Variants in CD2AP observed in about 807,000 individuals in gnomAD.
CD2AP encodes the protein CD2-associated protein.
A neutral mutation model predicts 85.1 loss-of-function variants in CD2AP; 46 were observed. The observed-to-expected ratio is 0.54, with a 90% CI of 0.43 to 0.69. The LOEUF is 0.69. Ranked by LOEUF, CD2AP falls within the 30% of genes least tolerant of loss-of-function variation. The probability of loss-of-function intolerance (pLI) is 0.00; values close to 1 mark genes in which losing one functional copy is unlikely to be tolerated. For missense variants in CD2AP, 769 were observed against 729.5 expected, an observed-to-expected ratio of 1.05 and a Z score of -0.62; for synonymous variants, 255 against 252.9, an observed-to-expected ratio of 1.01 and a Z score of -0.08.
At chr6:47,537,972 A>G (rs565136744) in intron 3 of CD2AP, among the ~76,000 whole-genome samples, 1 of 151,886 alleles carries the variant, frequency 6.6e-6, no homozygotes, top group Non-Finnish European at 1.5e-5. Context: ...GCTGGTCTCA[A>G]ACTCCTGGCC....
At chr6:47,536,841 T>C (rs1484408848) in intron 3 of CD2AP, among the ~76,000 whole-genome samples, 3 of 152,180 alleles carry the variant, frequency 2.0e-5, no homozygotes, top group Non-Finnish European at 4.4e-5. Flanking sequence ...TGGTAAAATA[T>C]TGTGTTTAGA....
At chr6:47,610,971 A>ATATATATATATATATATATATATAT in intron 16 of CD2AP, among the ~76,000 whole-genome samples, 50 of 112,846 alleles carry the variant, frequency 4.4e-4, no homozygotes, top group African/African-American at 1.5e-3. Context: ...ATATATATGT[A>ATATATATATATATATATATATATAT]TTTTTTTTTT....
At chr6:47,495,526 A>G (rs1765837915) in intron 1 of CD2AP, among the ~76,000 whole-genome samples, 1 of 152,200 alleles carries the variant, frequency 6.6e-6, no homozygotes, top group Non-Finnish European at 1.5e-5. Context: ...CAACTGCTGT[A>G]GGAGACTACT....
At position 47,581,850 on chromosome 6, in the gene CD2AP, A is replaced by T. The variant is rs6926592; in HGVS notation, c.1046-153A>T. ...AATAGTGGCAGGTCCAGGATTAGAA[A>T]TTGAGCCTGGTAATTCCGGTACATT... On this transcript the variant is annotated intron_variant, in intron 10 of 17. Coordinates refer to ENST00000359314, the MANE Select transcript of CD2AP (RefSeq NM_012120.3). 0.33 allele frequency among the ~76,000 whole-genome samples: 50,702 copies of T among 151,998 alleles called. 9,324 individuals carry two copies. The highest frequency in any genetic ancestry group is 0.52 in the Middle Eastern group (154 of 294).
chr6:47,562,552 A>G (rs868650491), intron 5 of CD2AP: 5 of 311,200 alleles, frequency 1.6e-5, no homozygotes, highest in African/African-American at 6.4e-5. Flanking sequence ...CCTTCCACCA[A>G]CAAGTCTTGC....
At chr6:47,571,764 C>T (rs1026451800) in intron 5 of CD2AP, among the ~76,000 whole-genome samples, 1 of 152,122 alleles carries the variant, frequency 6.6e-6, no homozygotes, top group Admixed American at 6.5e-5. Context: ...TGAGTTCTTT[C>T]TCTCTAGATT....
At chr6:47,580,987 A>G in intron 10 of CD2AP, 87 bp downstream of exon 10, 2 of 926,844 alleles carry the variant, frequency 2.2e-6, no homozygotes. Flanking sequence ...CAAACTATTG[A>G]TTTTTATCAA....
At chr6:47,564,888 A>G (rs1344266322) in intron 5 of CD2AP, among the ~76,000 whole-genome samples, 1 of 152,008 alleles carries the variant, frequency 6.6e-6, no homozygotes, top group Non-Finnish European at 1.5e-5. Flanking sequence ...CATTATTGGA[A>G]TGTCATATCC....
At chr6:47,580,728 A>T in intron 9 of CD2AP, 136 bp from the exon 10 acceptor site, 4 of 671,166 alleles carry the variant, frequency 6.0e-6, no homozygotes, top group Non-Finnish European at 7.9e-6. Context: ...TTACGATCTT[A>T]GCATTTTATA....
At chr6:47,493,530 C>T (rs970184386) in intron 1 of CD2AP, among the ~76,000 whole-genome samples, 1 of 151,916 alleles carries the variant, frequency 6.6e-6, no homozygotes, top group Non-Finnish European at 1.5e-5. Flanking sequence ...AAATGTGATA[C>T]ATCTAGGTGT....
chr6:47,612,537 G>T lies in CD2AP; in HGVS notation c.1878+1G>T. 6.2e-7 allele frequency: 1 copy of T among 1,600,608 alleles called. No individual in the cohort carries two copies. The highest frequency in any genetic ancestry group is 8.6e-7 in the Non-Finnish European group (1 of 1,168,298). On this transcript the variant is annotated splice_donor_variant, in intron 17 of 17. Transcript: ENST00000359314. LOFTEE classifies it high-confidence loss of function. ...GAAGACAATGAGAAGTAATCTAGAG[G>T]TAATTAATTTCTTCCAGCATTGAGA...
intron 2 of CD2AP, among the ~76,000 whole-genome samples, chr6:47,527,202 T>C (rs1199861310): frequency 6.6e-6 from 1 of 152,072 alleles, no homozygotes; most frequent in Non-Finnish European, 1.5e-5. Context: ...AAATCCTACG[T>C]GTGGTAGGCA....
At chr6:47,606,338 G>A (rs961669774) in intron 14 of CD2AP, 61 bp downstream of exon 14, 76 of 964,094 alleles carry the variant, frequency 7.9e-5, no homozygotes, top group Non-Finnish European at 1.3e-4. Flanking sequence ...TCCATTGGAA[G>A]ATAGAGGACT....
chr6:47,609,597 G>A (rs1769375058), intron 16 of CD2AP: 1 of 283,398 alleles, frequency 3.5e-6, no homozygotes, highest in Admixed American at 4.9e-5. Flanking sequence ...TACTCAAGAG[G>A]CTGAGGTGGG....
intron 14 of CD2AP, 23 bp from the exon 15 acceptor site, chr6:47,607,904 T>C (rs1200340654): frequency 1.3e-6 from 2 of 1,543,422 alleles, no homozygotes; most frequent in Admixed American, 1.7e-5. Context: ...ATTATGTCTC[T>C]TGACTTCTAA....
intron 6 of CD2AP, among the ~76,000 whole-genome samples, chr6:47,575,997 C>G (rs1768297020): frequency 6.6e-6 from 1 of 152,098 alleles, no homozygotes; most frequent in African/African-American, 2.4e-5. Context: ...GCTACTAGTC[C>G]TATTTGCACT....
At chr6:47,607,621 TC>T (rs1769311041) in intron 14 of CD2AP, among the ~76,000 whole-genome samples, 1 of 152,140 alleles carries the variant, frequency 6.6e-6, no homozygotes. Context: ...GTATGCTTTT[TC>T]TACATTGCCT....
At chr6:47,497,385 C>T (rs542999478) in intron 1 of CD2AP, among the ~76,000 whole-genome samples, 2 of 148,476 alleles carry the variant, frequency 1.3e-5, no homozygotes, top group South Asian at 2.2e-4. Context: ...CCTTCCCTGT[C>T]GCCTTCCCTT....
At chr6:47,613,269 T>C (rs897607461) in intron 17 of CD2AP, among the ~76,000 whole-genome samples, 2 of 152,220 alleles carry the variant, frequency 1.3e-5, no homozygotes, top group Admixed American at 6.5e-5. Flanking sequence ...CCAAATGGTT[T>C]TCAGTTTATT....
Sources: allele counts gnomAD v4.1 joint callset (sites outside exome capture counted in the v4.1 genomes callset), GRCh38; gene constraint gnomAD v4.1.1; transcripts MANE v1.5; gene names NCBI Gene and HGNC (gene_info 2026-07-23, HGNC 2026-07-21).